XKR6: variants seen among roughly 807,000 people sequenced by gnomAD.
XKR6 encodes the protein XK-related protein 6.
XKR6 carries 22 observed loss-of-function variants against 56.7 expected under a neutral mutation model. The observed-to-expected ratio is 0.39, with a 90% confidence interval of 0.28 to 0.55. The LOEUF is 0.55. Among genes scored for constraint, XKR6 ranks in the 20% least tolerant of loss-of-function variants. The probability of loss-of-function intolerance (pLI) is 0.66; values close to 1 mark genes in which losing one functional copy is unlikely to be tolerated. For synonymous variants in XKR6, 524 were observed against 387.8 expected (o/e 1.35, Z -4.13); for missense variants, 852 against 889.0 (o/e 0.96, Z 0.53).
chr8:11,069,829 G>A (rs542909856), intron 1 of XKR6, among the ~76,000 whole-genome samples: 2 of 152,200 alleles, frequency 1.3e-5, no homozygotes, highest in Non-Finnish European at 2.9e-5. Context: ...CAGACTCACT[G>A]ACAGGCTAAG....
chr8:11,185,189 G>T (rs1230854135), intron 1 of XKR6, among the ~76,000 whole-genome samples: 1 of 152,188 alleles, frequency 6.6e-6, no homozygotes, highest in Non-Finnish European at 1.5e-5. Flanking sequence ...GAGCTCCTAG[G>T]ATAGGCTCTG....
chr8:10,898,864 AT>A lies in XKR6; in HGVS notation c.1013del (p.Tyr338PhefsTer15). On this transcript the variant is annotated frameshift_variant, in exon 3 of 3. Transcript: ENST00000416569. LOFTEE classifies it high-confidence loss of function. The surrounding 1 kb of genome is among the most constrained non-coding windows in gnomAD (Gnocchi z 6.6). ...LMSLAWVLAS[Y>X]HKLLRDSRDD... Reference sequence around the variant, plus strand: ...CCCTGGAGTCCCGCAGCAGCTTGTGATAGGAGGCTAGCACCCAAGCCAGGGA... The same window carrying A: ...CCCTGGAGTCCCGCAGCAGCTTGTGAAGGAGGCTAGCACCCAAGCCAGGGA... 2 of 1,613,826 alleles carry A rather than the reference AT, an allele frequency of 1.2e-6. No individual in the cohort carries two copies. The highest frequency in any genetic ancestry group is 1.7e-6 in the Non-Finnish European group (2 of 1,179,888).
chr8:10,969,266 C>T (rs185816132), intron 1 of XKR6, among the ~76,000 whole-genome samples: 2 of 152,306 alleles, frequency 1.3e-5, no homozygotes, highest in African/African-American at 2.4e-5. Context: ...CTCCACCACA[C>T]CCATAAACTG....
chr8:10,974,332 C>A (rs1368344871), intron 1 of XKR6, among the ~76,000 whole-genome samples: 1 of 152,194 alleles, frequency 6.6e-6, no homozygotes, highest in South Asian at 2.1e-4. Context: ...GTGAAGAGCA[C>A]CTTGGCCACA....
intron 1 of XKR6, among the ~76,000 whole-genome samples, chr8:11,177,194 A>C (rs571738214): frequency 4.7e-4 from 72 of 152,238 alleles, no homozygotes; most frequent in Non-Finnish European, 8.1e-4. Flanking sequence ...AGGTAGGTGC[A>C]ACAGGCTGTG....
intron 1 of XKR6, among the ~76,000 whole-genome samples, chr8:10,998,553 G>C (rs1317100478): frequency 6.6e-6 from 1 of 152,212 alleles, no homozygotes; most frequent in Non-Finnish European, 1.5e-5. Context: ...GAGTGGTAGA[G>C]CAAAGCGTGG....
chr8:11,198,172 G>A (rs1480684473), intron 1 of XKR6, among the ~76,000 whole-genome samples: 1 of 152,150 alleles, frequency 6.6e-6, no homozygotes, highest in Non-Finnish European at 1.5e-5. Flanking sequence ...TTTGCCGAAA[G>A]ATTAAAACAA....
At chr8:11,157,508 ATG>A (rs1176595758) in intron 1 of XKR6, among the ~76,000 whole-genome samples, 7 of 152,042 alleles carry the variant, frequency 4.6e-5, no homozygotes, top group African/African-American at 1.7e-4. Context: ...GTATGTATGT[ATG>A]TATGTATGTA....
chr8:11,101,498 T>C (rs564063811), intron 1 of XKR6, among the ~76,000 whole-genome samples: 2 of 151,168 alleles, frequency 1.3e-5, no homozygotes, highest in South Asian at 2.1e-4. Flanking sequence ...TTTTTTATGA[T>C]AAAAAGTTGT....
chr8:11,087,687 G>A (rs528792548), intron 1 of XKR6, among the ~76,000 whole-genome samples: 6 of 152,276 alleles, frequency 3.9e-5, no homozygotes, highest in South Asian at 2.1e-4. Context: ...GACTTCCAAT[G>A]TCATCTCTGA....
intron 1 of XKR6, among the ~76,000 whole-genome samples, chr8:11,115,810 C>T (rs891467092): frequency 1.3e-5 from 2 of 152,182 alleles, no homozygotes; most frequent in African/African-American, 4.8e-5. Context: ...TCTGCAACCT[C>T]CAGCATAAAT....
chr8:10,950,381 C>G (rs142860221), intron 1 of XKR6, among the ~76,000 whole-genome samples: 354 of 152,314 alleles, frequency 2.3e-3, no homozygotes, highest in African/African-American at 8.1e-3. Flanking sequence ...AAGCAGTGCA[C>G]ACCCTCCCTG....
At chr8:11,019,906 C>T (rs992863863) in intron 1 of XKR6, among the ~76,000 whole-genome samples, 7 of 152,138 alleles carry the variant, frequency 4.6e-5, no homozygotes, top group Non-Finnish European at 8.8e-5. Context: ...ACTTCCCAGC[C>T]GGGCCAGAGT....
chr8:11,038,004 G>A (rs1381187127), intron 1 of XKR6, among the ~76,000 whole-genome samples: 1 of 149,220 alleles, frequency 6.7e-6, no homozygotes, highest in East Asian at 2.0e-4. Context: ...TCCAGCCTGG[G>A]CAACAGAGTC....
intron 1 of XKR6, among the ~76,000 whole-genome samples, chr8:10,975,344 G>T (rs1320996047): frequency 6.6e-6 from 1 of 152,234 alleles, no homozygotes; most frequent in East Asian, 1.9e-4. Context: ...GAGGCCAGCT[G>T]CTGCCCACCA....
At chr8:10,934,596 T>C (rs1158964983) in intron 1 of XKR6, among the ~76,000 whole-genome samples, 1 of 116,762 alleles carries the variant, frequency 8.6e-6, no homozygotes, top group Non-Finnish European at 1.9e-5. Flanking sequence ...TTATTGAGAG[T>C]TTTTAGCATG....
intron 1 of XKR6, among the ~76,000 whole-genome samples, chr8:11,041,647 CGTGGGTAGTGGGGTT>C (rs1430333527): frequency 6.6e-6 from 1 of 151,808 alleles, no homozygotes; most frequent in African/African-American, 2.4e-5. Flanking sequence ...ACTGCTGGTA[CGTGGGTAGTGGGGTT>C]GTGGGTCATC....
At chr8:11,106,964 G>T (rs1036103146) in intron 1 of XKR6, among the ~76,000 whole-genome samples, 1 of 152,050 alleles carries the variant, frequency 6.6e-6, no homozygotes, top group South Asian at 2.1e-4. Flanking sequence ...GAAGCTACAG[G>T]AAGGGAGACA....
At chr8:11,047,230 C>T (rs1219911692) in intron 1 of XKR6, among the ~76,000 whole-genome samples, 1 of 152,202 alleles carries the variant, frequency 6.6e-6, no homozygotes, top group Non-Finnish European at 1.5e-5. Flanking sequence ...AATGTATACA[C>T]AGTGTATCAA....
Sources: allele counts gnomAD v4.1 joint callset (sites outside exome capture counted in the v4.1 genomes callset), GRCh38; gene constraint gnomAD v4.1.1; non-coding constraint Gnocchi (gnomAD v3.1); transcripts MANE v1.5; gene names NCBI Gene and HGNC (gene_info 2026-07-23, HGNC 2026-07-21).